DNHD1: variants seen among roughly 807,000 people sequenced by gnomAD.
The protein encoded by DNHD1 is dynein heavy chain domain-containing protein 1.
In DNHD1, 383 loss-of-function variants were observed where a neutral mutation model predicts 458.1. The ratio of observed to expected loss-of-function variants is 0.84; its 90% CI spans 0.77 to 0.91. The LOEUF (loss-of-function observed/expected upper bound fraction) is 0.91, where lower values mean the gene tolerates loss of function less well. Ranked by LOEUF, DNHD1 falls within the 40% of genes least tolerant of loss-of-function variation. The pLI is 0.00. For missense variants in DNHD1, 5,336 were observed against 5,866.1 expected (o/e 0.91, Z 2.95); for synonymous variants, 2,203 against 2,376.9 (o/e 0.93, Z 2.13).
chr11:6,501,029 A>C (rs976746054), intron 3 of DNHD1, among the ~76,000 whole-genome samples: 3 of 152,174 alleles, frequency 2.0e-5, no homozygotes, highest in Admixed American at 6.5e-5. Context: ...TTAGATTAAC[A>C]AAAACATCAA....
chr11:6,504,704 T>A (rs920879081), intron 4 of DNHD1, among the ~76,000 whole-genome samples: 2 of 152,022 alleles, frequency 1.3e-5, no homozygotes, highest in African/African-American at 4.8e-5. Context: ...CCGCCTCAGC[T>A]TCCCAAAGTG....
intron 10 of DNHD1, among the ~76,000 whole-genome samples, chr11:6,527,977 A>C (rs1248391326): frequency 6.6e-6 from 1 of 152,228 alleles, no homozygotes; most frequent in East Asian, 1.9e-4. Flanking sequence ...CAGAGACTAC[A>C]AACTACACTT....
rs576688667 is a variant in DNHD1 at position 6,553,736 on chromosome 11, T to C, written c.7388-2947T>C. ...CATTGGAAATTGAAATTTTAAAATA[T>C]CACTTAAAAGTCATTTAAAAGCATA... On this transcript the variant is annotated intron_variant, in intron 24 of 42. Transcript: ENST00000254579. Among the ~76,000 whole-genome samples the C allele has an allele frequency of 3.0e-4, 45 of 152,292 alleles. No individual in the cohort carries two copies. In the South Asian group the frequency reaches 9.1e-3, roughly 31 times the overall value.
chr11:6,538,573 G>A, intron 15 of DNHD1, 39 bp from the exon 16 acceptor site: 1 of 1,550,662 alleles, frequency 6.4e-7, no homozygotes, highest in Non-Finnish European at 8.7e-7. Context: ...TGGGGGAGGG[G>A]AAGAGTCTCA....
At chr11:6,500,476 TG>T (rs1464333500) in intron 3 of DNHD1, among the ~76,000 whole-genome samples, 1 of 152,228 alleles carries the variant, frequency 6.6e-6, no homozygotes, top group Non-Finnish European at 1.5e-5. Flanking sequence ...GGCAGGCTCC[TG>T]GGGCCCTAAT....
rs1380945859 is a variant in DNHD1 at position 6,548,651 on chromosome 11, C to T, written c.7105C>T (p.Arg2369Trp). Residue 2369 changes from arginine to tryptophan, a missense_variant, in exon 24 of 43, where the codon CGG becomes TGG. Arg to Trp is a moderately radical substitution (Grantham distance 101). Coordinates refer to ENST00000254579, the MANE Select transcript of DNHD1 (RefSeq NM_144666.3). This position sits in a 1 kb window ranked among gnomAD's most constrained non-coding sequence, Gnocchi z 4.4. ...TCCCACTTCTGTCTTGCAGACTGAA[C>T]GGCTCTTGTATGTGGTGGACCTGCT... ...GTFHPSIQTE[R>W]LLYVVDLLLS... 46 of 1,551,326 alleles carry T rather than the reference C, an allele frequency of 3.0e-5. No homozygotes were observed. The highest frequency in any genetic ancestry group is 1.7e-4 in the East Asian group (7 of 40,936).
rs1589899345 is a variant in DNHD1 at position 6,568,438 on chromosome 11, C to G, written c.12539-16C>G. ...CTTTATCCAAGGACTGATCTCAGAC[C>G]CTTGTCTGACTCTAGTGGTTGCAGA... On this transcript the variant is annotated splice_polypyrimidine_tract_variant and intron_variant, in intron 37 of 42. Transcript: ENST00000254579. The G allele has an allele frequency of 1.2e-6, 2 of 1,612,472 alleles. No homozygotes were observed. The highest frequency in any genetic ancestry group is 2.2e-5 in the South Asian group (2 of 91,082).
At position 6,558,205 on chromosome 11, in the gene DNHD1, C is replaced by G; in HGVS notation, c.8910C>G (p.Tyr2970Ter). Reference sequence around the variant, plus strand: ...CCTCAGGCAGTTTCCCTGGCCAGTACACAGAAGCAGATTTGGACCGCATTG... The same window carrying G: ...CCTCAGGCAGTTTCCCTGGCCAGTAGACAGAAGCAGATTTGGACCGCATTG... ...LATSGSFPGQ[Y>*]TEADLDRIGE... Residue 2970 changes from tyrosine (Y) to a stop codon, truncating the protein, a stop_gained, in exon 25 of 43, where the codon TAC becomes TAG. Transcript: ENST00000254579. LOFTEE classifies it high-confidence loss of function. 1.3e-6 allele frequency: 2 copies of G among 1,551,724 alleles called. No homozygotes were observed. The highest frequency in any genetic ancestry group is 1.4e-5 in the African/African-American group (1 of 73,168).
chr11:6,554,453 T>C (rs1480903428), intron 24 of DNHD1, among the ~76,000 whole-genome samples: 1 of 152,126 alleles, frequency 6.6e-6, no homozygotes, highest in East Asian at 1.9e-4. Flanking sequence ...TTTATCAAAA[T>C]TGAAAACCTA....
Position 6,528,801 on chromosome 11 carries a change from T to C in DNHD1, c.2103+14T>C. On this transcript the variant is annotated intron_variant, in intron 11 of 42. Transcript: ENST00000254579. ...GTGCTGCTGGAGGTGAGAACAGTGG[T>C]TTAAGGGATAGGGCGCTGCCCACCA... 1 of 1,550,946 alleles carries C rather than the reference T, an allele frequency of 6.4e-7. No individual in the cohort carries two copies. Among genetic ancestry groups the C allele is most frequent in the Non-Finnish European group, 8.7e-7 (1 of 1,146,484 alleles).
At chr11:6,512,270 G>A (rs1411929045) in intron 7 of DNHD1, among the ~76,000 whole-genome samples, 1 of 134,122 alleles carries the variant, frequency 7.5e-6, no homozygotes, top group Non-Finnish European at 1.5e-5. Context: ...ACCCAGGCTG[G>A]AGTGCAGTGG....
At chr11:6,520,503 G>T in intron 10 of DNHD1, 1 of 1,415,528 alleles carries the variant, frequency 7.1e-7, no homozygotes, top group Non-Finnish European at 9.2e-7. Context: ...ATGTGTATGT[G>T]CGTGCAATGA....
rs1177825463 is a variant in DNHD1 at position 6,567,217 on chromosome 11, T to C, written c.11708T>C (p.Leu3903Pro). ...CGTGAGATTAATCACGGGGAGGACC[T>C]GGCCAGCCATCTACTGCAATTGAGA... ...KPREINHGED[L>P]ASHLLQLRAH... The change falls in exon 36 of 43, where the codon CTG becomes CCG. Residue 3903 changes from leucine to proline, a missense_variant. Physicochemically the swap from Leu to Pro is moderately conservative, Grantham distance 98. Transcript: ENST00000254579. 1 of 1,613,896 alleles carries C rather than the reference T, an allele frequency of 6.2e-7. No homozygotes were observed. Among genetic ancestry groups the C allele is most frequent in the Non-Finnish European group, 8.5e-7 (1 of 1,179,910 alleles).
chr11:6,569,000 G>A (rs1051950120), intron 39 of DNHD1, 134 bp downstream of exon 39: 1 of 1,117,766 alleles, frequency 8.9e-7, no homozygotes, highest in African/African-American at 1.6e-5. Flanking sequence ...GTCAAGGAAG[G>A]CTTCTCCAAA....
intron 6 of DNHD1, among the ~76,000 whole-genome samples, chr11:6,509,568 TA>T: frequency 6.6e-6 from 1 of 152,286 alleles, no homozygotes; most frequent in African/African-American, 2.4e-5. Flanking sequence ...ATGGAGAATA[TA>T]TGCAATATTC....
chr11:6,498,304 A>G lies in DNHD1; in HGVS notation c.89A>G (p.Asp30Gly), dbSNP rs201415545. ...TCTTGGCACTCCATATGTGTCTTGG[A>G]CAGCAAAGAACAGCCCTTGGCCTGC... ...LKSWHSICVL[D>G]SKEQPLACQQ... is the part of the protein sequence containing the mutation. The change falls in exon 3 of 43, where the codon GAC (aspartate) becomes GGC (glycine). Residue 30 changes from aspartate to glycine, a missense_variant. Around this residue, in one of 4 missense-constraint regions of DNHD1, gnomAD observed 3,932 missense variants for 4,365.6 expected, o/e 0.90. Transcript: ENST00000254579. 1 of 1,614,184 alleles carries G rather than the reference A, an allele frequency of 6.2e-7. No homozygotes were observed. The highest frequency in any genetic ancestry group is 2.2e-5 in the East Asian group (1 of 44,884).
At chr11:6,522,361 A>G (rs991276948) in intron 10 of DNHD1, among the ~76,000 whole-genome samples, 7 of 152,024 alleles carry the variant, frequency 4.6e-5, no homozygotes, top group African/African-American at 1.7e-4. Flanking sequence ...CCCATTTGTC[A>G]ATTTTTGCTT....
Position 6,519,869 on chromosome 11 carries a change from G to A in DNHD1, c.1647+15G>A, listed in dbSNP as rs140575681. 2,518 of 1,612,750 alleles carry A rather than the reference G, an allele frequency of 1.6e-3. 32 individuals carry two copies. The African/African-American group carries it at 0.03, about 19-fold the overall frequency. Reference sequence around the variant, plus strand: ...ACATCCTTCAAGTGAGGTGGTGGGTGGCATGTGTGGAGGTGGCAGGCAGTC... The same window carrying A: ...ACATCCTTCAAGTGAGGTGGTGGGTAGCATGTGTGGAGGTGGCAGGCAGTC... On this transcript the variant is annotated intron_variant, in intron 8 of 42. Coordinates refer to ENST00000254579, the MANE Select transcript of DNHD1 (RefSeq NM_144666.3).
At chr11:6,533,219 CAG>C (rs1852864987) in intron 13 of DNHD1, 35 bp downstream of exon 13, 1 of 1,544,818 alleles carries the variant, frequency 6.5e-7, no homozygotes, top group Admixed American at 2.0e-5. Context: ...CCAGTTTATT[CAG>C]GGCCCATCCT....
Sources: allele counts gnomAD v4.1 joint callset (sites outside exome capture counted in the v4.1 genomes callset), GRCh38; gene constraint gnomAD v4.1.1; regional missense constraint gnomAD v4.1.1; non-coding constraint Gnocchi (gnomAD v3.1); transcripts MANE v1.5; gene names NCBI Gene and HGNC (gene_info 2026-07-23, HGNC 2026-07-21).